AHSA1: variants seen among roughly 807,000 people sequenced by gnomAD.
AHSA1 encodes the protein activator of HSP90 ATPase activity 1, also known as activator of 90 kDa heat shock protein ATPase homolog 1.
In AHSA1, 14 loss-of-function variants were observed where a neutral mutation model predicts 46.1. The ratio of observed to expected loss-of-function variants is 0.30; its 90% CI spans 0.20 to 0.47. The LOEUF (loss-of-function observed/expected upper bound fraction) is 0.47. Ranked by LOEUF, AHSA1 falls within the 20% of genes least tolerant of loss-of-function variation. The probability of loss-of-function intolerance (pLI) is 0.99; values close to 1 mark genes in which losing one functional copy is unlikely to be tolerated. For missense variants in AHSA1, 333 were observed against 415.9 expected (o/e 0.80, Z 1.73); for synonymous variants, 147 against 145.8 (o/e 1.01, Z -0.06).
intron 2 of AHSA1, among the ~76,000 whole-genome samples, chr14:77,461,576 C>G (rs968789392): frequency 6.6e-5 from 10 of 152,264 alleles, no homozygotes; most frequent in African/African-American, 2.4e-4. Flanking sequence ...TTGAGGACTA[C>G]TATGGAATGG....
At chr14:77,458,071 G>A, upstream of AHSA1, 1 of 824,446 alleles carries the variant, frequency 1.2e-6, no homozygotes, top group Non-Finnish European at 1.8e-6. Flanking sequence ...AAGCAAGCCA[G>A]GAGGTGCTTG....
rs1362705966 is a variant in AHSA1 at position 77,458,276 on chromosome 14, G to T, written c.80+7G>T. 1.9e-6 allele frequency: 3 copies of T among 1,544,916 alleles called. No homozygotes were observed. Among genetic ancestry groups the T allele is most frequent in the African/African-American group, 2.8e-5 (2 of 72,694 alleles). On this transcript the variant is annotated splice_region_variant and intron_variant, in intron 1 of 8. Transcript: ENST00000216479. The stretch of plus-strand genomic sequence containing the variant: ...ACGTCAACAACTGGCACTGGTGAGG[G>T]CCAGAAAAGCAGGCCGGCCTTGGGA...
Position 77,468,015 on chromosome 14 carries a change from C to T in AHSA1, c.691-68C>T, listed in dbSNP as rs932645026. 6 of 1,143,130 alleles carry T rather than the reference C, an allele frequency of 5.2e-6. No homozygotes were observed. In the Admixed American group the frequency reaches 1.6e-4, roughly 31 times the overall value. The allele number at this position is 1,143,130 out of a possible 1,614,324, so 70.8% of individuals were successfully genotyped here. On this transcript the variant is annotated intron_variant, in intron 6 of 8. Coordinates refer to ENST00000216479, the MANE Select transcript of AHSA1 (RefSeq NM_012111.3). ...CATGCAGCCTTCAGCTGGCATTTGT[C>T]CTTGGGTCCCACTGAAAGCCATGTA... is the stretch of plus-strand genomic sequence containing the variant.
In AHSA1 at chr14:77,458,132, G is replaced by A; in HGVS notation, c.-58G>A. The A allele has an allele frequency of 1.4e-6, 2 of 1,468,792 alleles. No individual in the cohort carries two copies. The highest frequency in any genetic ancestry group is 2.7e-5 in the Admixed American group (1 of 37,510). The allele number at this position is 1,468,792 out of a possible 1,614,324, so 91.0% of individuals were successfully genotyped here. On this transcript the variant is annotated 5_prime_UTR_variant, in exon 1 of 9. Coordinates refer to ENST00000216479, the MANE Select transcript of AHSA1 (RefSeq NM_012111.3). ...GCTGCCGGGCGGCTGGCACTAAGCG[G>A]TCCTGAGGCTGTGGCTACGGCTGCT...
Position 77,468,187 on chromosome 14 carries a change from G to T in AHSA1, c.792+3G>T. 1 of 1,548,268 alleles carries T rather than the reference G, an allele frequency of 6.5e-7. No individual in the cohort carries two copies. Among genetic ancestry groups the T allele is most frequent in the Non-Finnish European group, 8.8e-7 (1 of 1,142,558 alleles). On this transcript the variant is annotated splice_donor_region_variant and intron_variant, in intron 7 of 8. Transcript: ENST00000216479. ...TCTCTGGGGAATTTACTGATCTGGT[G>T]AGTACCTGCCGGCCCTAGACTCAGG...
At chr14:77,464,810 T>C (rs1435985236) in intron 5 of AHSA1, 124 bp downstream of exon 5, 2 of 792,530 alleles carry the variant, frequency 2.5e-6, no homozygotes, top group African/African-American at 3.5e-5. Context: ...GATCTGCTCA[T>C]GGTGCTTTTT....
In AHSA1 at chr14:77,459,709, G is replaced by C; in HGVS notation, c.174G>C (p.Val58=). ...AAAATGAAGAAGGCAAGTGTGAGGT[G>C]ACGGAAGTGAGTAAGCTTGATGGAG... ...QVQNEEGKCE[V]TEVSKLDGEA... Residue 58 remains valine, a synonymous_variant, in exon 2 of 9, where the codon GTG becomes GTC. Coordinates refer to ENST00000216479, the MANE Select transcript of AHSA1 (RefSeq NM_012111.3). The C allele has an allele frequency of 1.9e-6, 3 of 1,614,222 alleles. No individual in the cohort carries two copies. The highest frequency in any genetic ancestry group is 2.5e-6 in the Non-Finnish European group (3 of 1,180,036).
At chr14:77,462,453 G>T in intron 3 of AHSA1, 189 bp from the exon 4 acceptor site, 1 of 726,650 alleles carries the variant, frequency 1.4e-6, no homozygotes, top group East Asian at 2.6e-5. Context: ...AGTGACATGG[G>T]TTCTAACTAA....
At chr14:77,467,464 T>C (rs1418805565) in intron 6 of AHSA1, among the ~76,000 whole-genome samples, 1 of 149,150 alleles carries the variant, frequency 6.7e-6, no homozygotes, top group Admixed American at 6.7e-5. Context: ...GAGGCCAAGG[T>C]GGGTGGATCA....
intron 2 of AHSA1, among the ~76,000 whole-genome samples, chr14:77,460,623 T>C (rs1337903536): frequency 1.3e-5 from 2 of 150,524 alleles, no homozygotes; most frequent in Non-Finnish European, 3.0e-5. Context: ...TGGAGTGCAG[T>C]GGCACGATCT....
chr14:77,459,673 A>C lies in AHSA1; in HGVS notation c.138A>C (p.Ala46=), dbSNP rs1032473420. 3.1e-6 allele frequency: 5 copies of C among 1,614,242 alleles called. No individual in the cohort carries two copies. Among genetic ancestry groups the C allele is most frequent in the Non-Finnish European group, 4.2e-6 (5 of 1,180,040 alleles). Residue 46 remains alanine (A), a synonymous_variant, in exon 2 of 9, where the codon GCA becomes GCC. Transcript: ENST00000216479. The stretch of plus-strand genomic sequence containing the variant: ...ATAAGCTGAAAACACTGTTCCTGGC[A>C]GTGCAGGTTCAAAATGAAGAAGGCA... ...STDKLKTLFL[A]VQVQNEEGKC... is the part of the protein sequence containing the mutation.
intron 4 of AHSA1, among the ~76,000 whole-genome samples, chr14:77,463,855 A>G (rs2079036773): frequency 6.6e-6 from 1 of 152,186 alleles, no homozygotes; most frequent in South Asian, 2.1e-4. Flanking sequence ...GGTGATAGAC[A>G]CCTTTTTGGG....
chr14:77,464,543 C>CTG, intron 4 of AHSA1, 55 bp from the exon 5 acceptor site: 2 of 1,457,654 alleles, frequency 1.4e-6, no homozygotes, highest in Non-Finnish European at 1.9e-6. Context: ...TAATGAAACT[C>CTG]CAGATCTCAG....
intron 8 of AHSA1, 88 bp from the exon 9 acceptor site, chr14:77,468,989 T>C (rs2079061733): frequency 6.7e-7 from 1 of 1,485,120 alleles, no homozygotes; most frequent in Non-Finnish European, 9.3e-7. Flanking sequence ...ATTACAGGTG[T>C]GAGCCACCAC....
At chr14:77,464,838 G>A (rs1461775872) in intron 5 of AHSA1, 152 bp downstream of exon 5, 3 of 642,412 alleles carry the variant, frequency 4.7e-6, no homozygotes, top group Admixed American at 6.6e-5. Context: ...CCTGCAATAT[G>A]CATTCATTCA....
intron 7 of AHSA1, 60 bp from the exon 8 acceptor site, chr14:77,468,397 C>G: frequency 6.7e-7 from 1 of 1,498,896 alleles, no homozygotes; most frequent in Non-Finnish European, 9.2e-7. Flanking sequence ...ATGACTGATC[C>G]TAGCTAGGAT....
At chr14:77,458,434 C>T (rs1244748375) in intron 1 of AHSA1, among the ~76,000 whole-genome samples, 165 bp downstream of exon 1, 1 of 152,164 alleles carries the variant, frequency 6.6e-6, no homozygotes, top group African/African-American at 2.4e-5. Context: ...GGCCTCTCCA[C>T]TCCGCGGTCA....
intron 1 of AHSA1, among the ~76,000 whole-genome samples, chr14:77,459,179 TGATA>T (rs1056502727): frequency 1.6e-4 from 24 of 152,370 alleles, no homozygotes; most frequent in African/African-American, 5.8e-4. Context: ...AGTGCGAATC[TGATA>T]GGTCAGAACA....
At chr14:77,458,010 G>T (rs956501579), upstream of AHSA1, 30 of 544,618 alleles carry the variant, frequency 5.5e-5, no homozygotes, top group Admixed American at 3.9e-5. Flanking sequence ...GGAAGTAACC[G>T]GTGGGAGTGG....
Sources: gnomAD v4.1 joint callset for allele counts (sites outside exome capture counted in the v4.1 genomes callset) on GRCh38, gnomAD v4.1.1 for gene constraint, MANE v1.5 for transcripts, NCBI Gene and HGNC (gene_info 2026-07-23, HGNC 2026-07-21) for gene names.